USP4: variants seen among roughly 807,000 people sequenced by gnomAD.
The protein encoded by USP4 is ubiquitin carboxyl-terminal hydrolase 4.
A neutral mutation model predicts 118.2 loss-of-function variants in USP4; 72 were observed. That is an observed-to-expected ratio of 0.61 (90% confidence interval 0.50 to 0.74). The LOEUF (loss-of-function observed/expected upper bound fraction) is 0.74. Among genes scored for constraint, USP4 ranks in the 30% least tolerant of loss-of-function variants. The pLI is 0.00. For synonymous variants in USP4, 415 were observed against 440.4 expected, an observed-to-expected ratio of 0.94 and a Z score of 0.72; for missense variants, 1,037 against 1,185.7, an observed-to-expected ratio of 0.87 and a Z score of 1.84.
At chr3:49,280,618 A>T (rs2047012405) in intron 20 of USP4, 126 bp downstream of exon 20, 1 of 647,758 alleles carries the variant, frequency 1.5e-6, no homozygotes, top group African/African-American at 1.9e-5. Context: ...GTATGAAGAA[A>T]GCGTGCAGCA....
In USP4 at chr3:49,278,334, C is replaced by T. The variant is rs1460860608; in HGVS notation, c.2851G>A (p.Gly951Ser). ...GGTRPSSSQQ[G>S]FGDDEACSMD... ...CTGCAAGCCTCATCATCCCCAAAGC[C>T]CTGCTGAGAGCTGCTTGGTCGTGTC... Residue 951 changes from glycine (G) to serine (S), a missense_variant, in exon 22 of 22, where the codon GGC becomes AGC. Physicochemically the swap from Gly to Ser is moderately conservative, Grantham distance 56. Coordinates refer to ENST00000265560, the MANE Select transcript of USP4 (RefSeq NM_003363.4). The T allele has an allele frequency of 3.1e-6, 5 of 1,613,970 alleles. No homozygotes were observed. The African/African-American group carries it at 5.3e-5, about 17-fold the overall frequency.
rs767255129 is a variant in USP4, at chr3:49,300,662, G to A, written c.1317C>T (p.His439=). The change falls in exon 11 of 22, where the codon CAC becomes CAT. Residue 439 remains histidine (H), a synonymous_variant. Coordinates refer to ENST00000265560, the MANE Select transcript of USP4 (RefSeq NM_003363.4). Reference sequence around the variant, plus strand: ...CAATCACAGAATCATTCCTCAACCTGTGATTCTCCCAGGCTTCCTTTGCCA... The same window carrying A: ...CAATCACAGAATCATTCCTCAACCTATGATTCTCCCAGGCTTCCTTTGCCA... ...AVVAKEAWEN[H]RLRNDSVIVD... 14 of 1,614,132 alleles carry A rather than the reference G, an allele frequency of 8.7e-6. No individual in the cohort carries two copies. The highest frequency in any genetic ancestry group is 1.2e-5 in the Non-Finnish European group (14 of 1,180,032).
At position 49,311,854 on chromosome 3, in the gene USP4, A is replaced by C. The variant is rs2047386032; in HGVS notation, c.696-200T>G. The C allele has an allele frequency of 1.5e-5, 19 of 1,271,178 alleles. No individual in the cohort carries two copies. The South Asian group carries it at 3.0e-4, about 20-fold the overall frequency. 78.7% of individuals were successfully genotyped at this position (1,271,178 alleles called of 1,614,324 possible). A position where few individuals can be genotyped will look rare whatever the true frequency, so the allele number is the denominator to read the frequency against. On this transcript the variant is annotated intron_variant, in intron 6 of 21. Transcript: ENST00000265560. Reference sequence around the variant, plus strand: ...AATTAACTGGTCTTCCTGTCACATCAGTCCACACCACCACATACCCTTTCA... The same window carrying C: ...AATTAACTGGTCTTCCTGTCACATCCGTCCACACCACCACATACCCTTTCA...
chr3:49,286,959 C>T (rs974478464), intron 15 of USP4, among the ~76,000 whole-genome samples: 5 of 152,020 alleles, frequency 3.3e-5, no homozygotes, highest in Non-Finnish European at 7.4e-5. Flanking sequence ...AAGCGATTCT[C>T]CTACCTCAGC....
chr3:49,300,148 A>T (rs1254792395), intron 11 of USP4, among the ~76,000 whole-genome samples: 1 of 151,484 alleles, frequency 6.6e-6, no homozygotes, highest in Non-Finnish European at 1.5e-5. Flanking sequence ...TGAGTGGCTG[A>T]GGTAGGAGAA....
chr3:49,280,906 G>A, intron 19 of USP4, 59 bp from the exon 20 acceptor site: 1 of 1,435,912 alleles, frequency 7.0e-7, no homozygotes, highest in South Asian at 1.2e-5. Context: ...AAGTAGTTAA[G>A]AGTAACCCAG....
chr3:49,281,624 G>C (rs1188107177), intron 19 of USP4, among the ~76,000 whole-genome samples: 1 of 149,852 alleles, frequency 6.7e-6, no homozygotes, highest in Non-Finnish European at 1.5e-5. Context: ...TGAGGTAGGA[G>C]AATCGATTGA....
chr3:49,298,022 G>T, intron 12 of USP4, 58 bp from the exon 13 acceptor site: 1 of 1,104,972 alleles, frequency 9.1e-7, no homozygotes, highest in Non-Finnish European at 1.4e-6. Context: ...CCTACTAACT[G>T]CTTAAAACCC....
intron 10 of USP4, among the ~76,000 whole-genome samples, 187 bp from the exon 11 acceptor site, chr3:49,300,878 G>A (rs1040676419): frequency 2.6e-5 from 4 of 151,840 alleles, no homozygotes; most frequent in African/African-American, 9.7e-5. Flanking sequence ...CCAGCTCTAC[G>A]CCCAATCCCC....
At chr3:49,307,416 A>C (rs1337333916) in intron 8 of USP4, among the ~76,000 whole-genome samples, 1 of 141,184 alleles carries the variant, frequency 7.1e-6, no homozygotes, top group Non-Finnish European at 1.6e-5. Flanking sequence ...ACTATGTCTC[A>C]AAAAAAAAAA....
chr3:49,320,335 G>A (rs1311430896), intron 6 of USP4, among the ~76,000 whole-genome samples: 2 of 152,252 alleles, frequency 1.3e-5, no homozygotes, highest in South Asian at 2.1e-4. Flanking sequence ...CCAGCTACTC[G>A]AGAGGCTGAG....
intron 15 of USP4, among the ~76,000 whole-genome samples, chr3:49,290,666 T>C (rs113013913): frequency 6.6e-6 from 1 of 151,850 alleles, no homozygotes; most frequent in African/African-American, 2.4e-5. Flanking sequence ...AGGCACACAC[T>C]GCCATGCCTG....
In USP4 at chr3:49,335,533, G is replaced by A. The variant is rs781127538; in HGVS notation, c.165C>T (p.Asp55=). The change falls in exon 2 of 22, where the codon GAC becomes GAT. Residue 55 remains aspartate, a synonymous_variant. Transcript: ENST00000265560. ...GGTTATGTTCACCCACATTGTACATGTCCCAGCTGTCAAAGCCCACATACT... is the reference window on the plus strand; with the variant it reads ...GGTTATGTTCACCCACATTGTACATATCCCAGCTGTCAAAGCCCACATACT... ...WKKYVGFDSW[D]MYNVGEHNLF... is the part of the protein sequence containing the mutation. 6.2e-6 allele frequency: 10 copies of A among 1,614,066 alleles called. No homozygotes were observed. In the Admixed American group the frequency reaches 1.0e-4, roughly 16 times the overall value.
At chr3:49,320,136 G>T (rs1189589554) in intron 6 of USP4, among the ~76,000 whole-genome samples, 1 of 152,088 alleles carries the variant, frequency 6.6e-6, no homozygotes, top group African/African-American at 2.4e-5. Context: ...GACCAGGCTG[G>T]TCTCAAACTC....
chr3:49,292,525 T>C lies in USP4; in HGVS notation c.1957A>G (p.Arg653Gly). 2 of 1,590,612 alleles carry C rather than the reference T, an allele frequency of 1.3e-6. No individual in the cohort carries two copies. The highest frequency in any genetic ancestry group is 1.7e-6 in the Non-Finnish European group (2 of 1,167,632). ...GCATACTCACCTTCACAGCTGTTCC[T>C]GGAGCCATTGCAGGCCCCTGGCTCC... ...PLEPGACNGS[R>G]NSCEGEDEEE... is the part of the protein sequence containing the mutation. Residue 653 changes from arginine to glycine, a missense_variant, in exon 15 of 22, where the codon AGG becomes GGG. Coordinates refer to ENST00000265560, the MANE Select transcript of USP4 (RefSeq NM_003363.4).
chr3:49,303,203 G>A (rs1022548935), intron 9 of USP4, among the ~76,000 whole-genome samples: 2 of 152,122 alleles, frequency 1.3e-5, no homozygotes, highest in African/African-American at 4.8e-5. Flanking sequence ...AATTTTGGAA[G>A]GCTGAGGCAG....
intron 8 of USP4, among the ~76,000 whole-genome samples, chr3:49,306,519 G>A (rs1358019002): frequency 1.3e-5 from 2 of 151,462 alleles, no homozygotes; most frequent in African/African-American, 2.4e-5. Context: ...ATTAGTTTCT[G>A]TTCTTAACGC....
In USP4 at chr3:49,324,124, G is replaced by A. The variant is rs145487027; in HGVS notation, c.695+578C>T. ...AGCGACTCTTGAGCCTCAGCCTCCC[G>A]AGTAGCTGAGATTACAGGTACCTGC... On this transcript the variant is annotated intron_variant, in intron 6 of 21. Transcript: ENST00000265560. Among the ~76,000 whole-genome samples the A allele has an allele frequency of 4.6e-5, 7 of 152,114 alleles. No homozygotes were observed. In the East Asian group the frequency reaches 5.8e-4, roughly 13 times the overall value.
chr3:49,334,252 A>T (rs75242074), intron 2 of USP4, among the ~76,000 whole-genome samples: 3,645 of 152,312 alleles, frequency 0.024, 162 homozygotes, highest in African/African-American at 0.084. Flanking sequence ...AAGCCAAAGT[A>T]TGCCTGAATT....
Sources: allele counts gnomAD v4.1 joint callset (sites outside exome capture counted in the v4.1 genomes callset), GRCh38; gene constraint gnomAD v4.1.1; transcripts MANE v1.5; gene names NCBI Gene and HGNC (gene_info 2026-07-23, HGNC 2026-07-21).